The following ATP9A variants were observed in gnomAD, a reference collection of about 807,000 sequenced individuals.
ATP9A encodes the protein probable phospholipid-transporting ATPase IIA.
In ATP9A, 52 loss-of-function variants were observed where a neutral mutation model predicts 144.1. The observed-to-expected ratio is 0.36, with a 90% CI of 0.29 to 0.45. ATP9A has a LOEUF of 0.45. Ranked by LOEUF, ATP9A falls within the 20% of genes least tolerant of loss-of-function variation. ATP9A has a pLI of 1.00. For synonymous variants in ATP9A, 582 were observed against 557.4 expected, an observed-to-expected ratio of 1.04 and a Z score of -0.62; for missense variants, 947 against 1,392.7, an observed-to-expected ratio of 0.68 and a Z score of 5.09.
In ATP9A at chr20:51,654,219, T is replaced by A. The variant is rs543963064; in HGVS notation, c.1506+2719A>T. 6.6e-5 allele frequency among the ~76,000 whole-genome samples: 10 copies of A among 152,238 alleles called. No homozygotes were observed. The South Asian group carries it at 2.1e-3, about 32-fold the overall frequency. ...TCACGGATGAACTGGGTTTTATAGC[T>A]TGAGCTATTCCACAAACACCCTGCA... On this transcript the variant is annotated intron_variant, in intron 14 of 27. Coordinates refer to ENST00000338821, the MANE Select transcript of ATP9A (RefSeq NM_006045.3).
Position 51,663,489 on chromosome 20 carries a change from C to CA in ATP9A, c.1294-6340dup, listed in dbSNP as rs199708966. 4.4e-3 allele frequency among the ~76,000 whole-genome samples: 674 copies of CA among 151,900 alleles called. 5 individuals are homozygous for CA. The highest frequency in any genetic ancestry group is 0.015 in the African/African-American group (618 of 41,444). ...CATGTCCCAGAGAAAACCACACTGA[C>CA]AAAAAAAATTCTTCCTCAAGAGAAT... On this transcript the variant is annotated intron_variant, in intron 13 of 27. Coordinates refer to ENST00000338821, the MANE Select transcript of ATP9A (RefSeq NM_006045.3).
intron 3 of ATP9A, among the ~76,000 whole-genome samples, chr20:51,723,626 C>A (rs940359933): frequency 7.0e-6 from 1 of 143,664 alleles, no homozygotes; most frequent in African/African-American, 2.6e-5. Flanking sequence ...AGTACAGTGG[C>A]GCTCACTGCC....
chr20:51,663,818 G>T (rs1361393511), intron 13 of ATP9A, among the ~76,000 whole-genome samples: 1 of 148,840 alleles, frequency 6.7e-6, no homozygotes, highest in Admixed American at 6.7e-5. Flanking sequence ...AAAAACAAGA[G>T]AACATAAACT....
intron 1 of ATP9A, among the ~76,000 whole-genome samples, chr20:51,756,073 GT>G (rs201510497): frequency 0.024 from 3,665 of 152,252 alleles, 64 homozygotes; most frequent in Non-Finnish European, 0.038. Flanking sequence ...CGCTTTCTAC[GT>G]TAGTTTCCTT....
chr20:51,667,390 A>G (rs1489012944), intron 13 of ATP9A, among the ~76,000 whole-genome samples: 1 of 152,218 alleles, frequency 6.6e-6, no homozygotes, highest in African/African-American at 2.4e-5. Flanking sequence ...CACGACTGAG[A>G]AGGGGCTGCG....
intron 1 of ATP9A, among the ~76,000 whole-genome samples, chr20:51,740,726 T>C (rs2077781432): frequency 6.7e-6 from 1 of 149,992 alleles, no homozygotes; most frequent in African/African-American, 2.5e-5. Flanking sequence ...GTACCACCAC[T>C]CCCGGATAAT....
chr20:51,648,483 T>C (rs1255406473), intron 14 of ATP9A, among the ~76,000 whole-genome samples: 1 of 152,172 alleles, frequency 6.6e-6, no homozygotes, highest in South Asian at 2.1e-4. Context: ...GCTTGGGAGA[T>C]AGAACAAATA....
intron 1 of ATP9A, among the ~76,000 whole-genome samples, chr20:51,744,763 C>T (rs1042418321): frequency 6.6e-6 from 1 of 152,214 alleles, no homozygotes; most frequent in Non-Finnish European, 1.5e-5. Flanking sequence ...CACCAACCTT[C>T]CAGGAAGTTA....
intron 14 of ATP9A, among the ~76,000 whole-genome samples, chr20:51,647,870 T>C (rs1480745121): frequency 6.6e-6 from 1 of 152,250 alleles, no homozygotes; most frequent in African/African-American, 2.4e-5. Flanking sequence ...GACAGTTTCC[T>C]ACAGTGTCTG....
At chr20:51,663,564 G>A (rs1227937602) in intron 13 of ATP9A, among the ~76,000 whole-genome samples, 2 of 152,076 alleles carry the variant, frequency 1.3e-5, no homozygotes, top group African/African-American at 2.4e-5. Context: ...GGAGGCTGAG[G>A]CGGGCGGATC....
intron 4 of ATP9A, among the ~76,000 whole-genome samples, chr20:51,707,623 G>A (rs2077620251): frequency 6.6e-6 from 1 of 152,192 alleles, no homozygotes; most frequent in South Asian, 2.1e-4. Context: ...CAAGTTTGGA[G>A]CCACTACTTT....
At chr20:51,605,996 G>A (rs2077161952) in intron 26 of ATP9A, among the ~76,000 whole-genome samples, 4 of 151,968 alleles carry the variant, frequency 2.6e-5, no homozygotes, top group South Asian at 2.1e-4. Flanking sequence ...CCAGCCAGTC[G>A]CGGTGGCTTA....
chr20:51,748,987 A>G (rs1156608519), intron 1 of ATP9A, among the ~76,000 whole-genome samples: 1 of 152,168 alleles, frequency 6.6e-6, no homozygotes, highest in Non-Finnish European at 1.5e-5. Flanking sequence ...AAAATGGAAA[A>G]ATAATCTAAA....
chr20:51,642,726 C>CAAAAAAAAAAAAAAAAAAAAAAAAAAAA (rs778440862), intron 14 of ATP9A, among the ~76,000 whole-genome samples: 1 of 31,144 alleles, frequency 3.2e-5, no homozygotes, highest in Non-Finnish European at 7.4e-5. Flanking sequence ...ACTCTGTCTC[C>CAAAAAAAAAAAAAAAAAAAAAAAAAAAA]AAAAAAAAAA....
chr20:51,708,770 G>C (rs867379763), intron 4 of ATP9A, among the ~76,000 whole-genome samples: 18 of 152,158 alleles, frequency 1.2e-4, no homozygotes, highest in African/African-American at 4.3e-4. Context: ...AATAAATCTA[G>C]TTTTGAGGCC....
At chr20:51,761,564 A>G (rs1313585103) in intron 1 of ATP9A, among the ~76,000 whole-genome samples, 1 of 152,096 alleles carries the variant, frequency 6.6e-6, no homozygotes, top group African/African-American at 2.4e-5. Context: ...GATCCAGACC[A>G]TCCTGGCTAA....
intron 13 of ATP9A, among the ~76,000 whole-genome samples, chr20:51,664,886 A>AC (rs1555834490): frequency 4.8e-4 from 65 of 135,906 alleles, no homozygotes; most frequent in African/African-American, 1.7e-3. Context: ...CCCCCGGCTA[A>AC]TTTTTTTTTT....
intron 19 of ATP9A, among the ~76,000 whole-genome samples, chr20:51,620,682 G>C (rs1232821727): frequency 6.6e-6 from 1 of 152,028 alleles, no homozygotes; most frequent in African/African-American, 2.4e-5. Context: ...AGCGCTGTGT[G>C]CGGCCATTTT....
At chr20:51,689,042 A>G (rs1384374058) in intron 9 of ATP9A, 22 bp downstream of exon 9, 3 of 1,611,544 alleles carry the variant, frequency 1.9e-6, no homozygotes, top group African/African-American at 2.7e-5. Flanking sequence ...TTGCTACCAC[A>G]TTCCTCAAAA....
Sources: gnomAD v4.1 joint callset for allele counts (sites outside exome capture counted in the v4.1 genomes callset) on GRCh38, gnomAD v4.1.1 for gene constraint, MANE v1.5 for transcripts, NCBI Gene and HGNC (gene_info 2026-07-23, HGNC 2026-07-21) for gene names.